Variants in SEPTIN4 observed in about 807,000 individuals in gnomAD.
The protein encoded by SEPTIN4 is septin-4.
In SEPTIN4, 52 loss-of-function variants were observed where a neutral mutation model predicts 107.1. That is an observed-to-expected ratio of 0.49 (90% CI 0.39 to 0.61). The LOEUF (loss-of-function observed/expected upper bound fraction) is 0.61, where lower values mean the gene tolerates loss of function less well. Among genes scored for constraint, SEPTIN4 ranks in the 20% least tolerant of loss-of-function variants. The pLI is 0.00. For synonymous variants in SEPTIN4, 417 were observed against 467.0 expected (o/e 0.89, Z 1.38); for missense variants, 1,048 against 1,243.5 (o/e 0.84, Z 2.36).
chr17:58,529,952 T>A (rs1294478909), intron 3 of SEPTIN4: 1 of 152,154 alleles, frequency 6.6e-6, no homozygotes, highest in Non-Finnish European at 1.5e-5. Context: ...GCAACCTGTA[T>A]CAATTAGATC....
chr17:58,539,392 C>T (rs1292263814), intron 3 of SEPTIN4, among the ~76,000 whole-genome samples: 2 of 152,190 alleles, frequency 1.3e-5, no homozygotes, highest in East Asian at 3.9e-4. Flanking sequence ...AACCCCTTCC[C>T]AAAGGTACAG....
At chr17:58,532,014 C>T in intron 3 of SEPTIN4, 1 of 1,135,308 alleles carries the variant, frequency 8.8e-7, no homozygotes. Context: ...CCGAGCGACC[C>T]GCGGCGGAGC....
rs2042270186 is a variant in SEPTIN4 at position 58,521,533 on chromosome 17, G to C, written c.2571+12C>G. On this transcript the variant is annotated intron_variant, in intron 10 of 13. Coordinates refer to ENST00000672673, the MANE Select transcript of SEPTIN4 (RefSeq NM_001368771.2). This position sits in a 1 kb window ranked among gnomAD's most constrained non-coding sequence, Gnocchi z 6.4. ...AATAAGATAGGAATGGGATGCCCTA[G>C]AGTGGCCCCACCTTTAGGGCTTGGT... is the stretch of plus-strand genomic sequence containing the variant. The C allele has an allele frequency of 3.1e-6, 5 of 1,611,804 alleles. No homozygotes were observed. Among genetic ancestry groups the C allele is most frequent in the Non-Finnish European group, 3.4e-6 (4 of 1,177,944 alleles).
At chr17:58,525,049 C>T (rs762357522) in intron 7 of SEPTIN4, 29 bp downstream of exon 7, 19 of 1,613,606 alleles carry the variant, frequency 1.2e-5, no homozygotes, top group Non-Finnish European at 1.6e-5. Context: ...GGCTCAGGGG[C>T]AGCTGGGATT....
At position 58,525,791 on chromosome 17, in the gene SEPTIN4, G is replaced by T. The variant is rs772531135; in HGVS notation, c.2006-10C>A. ...CCCAGGCCAGACTCTCCTGAGAGGA[G>T]AGAGGACAGAGGCACCAAATCAGAA... On this transcript the variant is annotated splice_polypyrimidine_tract_variant and intron_variant, in intron 5 of 13. Transcript: ENST00000672673. 6.2e-7 allele frequency: 1 copy of T among 1,609,692 alleles called. No individual in the cohort carries two copies.
intron 3 of SEPTIN4, chr17:58,529,389 C>T (rs2043263436): frequency 4.2e-6 from 6 of 1,429,592 alleles, no homozygotes; most frequent in Middle Eastern, 2.1e-4. Context: ...CCTCCCCTTC[C>T]CTTGGCTCCC....
In SEPTIN4 at chr17:58,543,434, A is replaced by G. The variant is rs2043938830; in HGVS notation, c.753T>C (p.Gly251=). 1 of 1,614,162 alleles carries G rather than the reference A, an allele frequency of 6.2e-7. No individual in the cohort carries two copies. Among genetic ancestry groups the G allele is most frequent in the Non-Finnish European group, 8.5e-7 (1 of 1,180,028 alleles). Reference sequence around the variant, plus strand: ...GTTTTGAAGGAATTGGACCGTAAGGACCTGTTTCTGATTCTTCTACAGGGA... The same window carrying G: ...GTTTTGAAGGAATTGGACCGTAAGGGCCTGTTTCTGATTCTTCTACAGGGA... ...RRVPVEESET[G]PYGPIPSKPK... is the part of the protein sequence containing the mutation. Residue 251 remains glycine (G), a synonymous_variant, in exon 1 of 14, where the codon GGT becomes GGC. Transcript: ENST00000672673.
intron 3 of SEPTIN4, chr17:58,528,318 G>C (rs991824940): frequency 3.3e-5 from 5 of 152,476 alleles, no homozygotes; most frequent in Admixed American, 3.3e-4. Flanking sequence ...AGTCTGCTAG[G>C]AGCTACTGCC....
chr17:58,524,814 C>T (rs1229626827), intron 7 of SEPTIN4: 4 of 335,672 alleles, frequency 1.2e-5, no homozygotes, highest in East Asian at 6.5e-5. Context: ...GTGATACTTC[C>T]GCCTCAGCCT....
rs753965576 is a variant in SEPTIN4 at position 58,525,213 on chromosome 17, G to A, written c.2093-12C>T. The A allele has an allele frequency of 1.9e-6, 3 of 1,613,160 alleles. No individual in the cohort carries two copies. Among genetic ancestry groups the A allele is most frequent in the South Asian group, 2.2e-5 (2 of 91,028 alleles). ...TTGCATGATCCTCTCTGGAGAAAGG[G>A]GAAACTGAGGCCAGGGCAAGGGCAG... On this transcript the variant is annotated splice_polypyrimidine_tract_variant and intron_variant, in intron 6 of 13. Transcript: ENST00000672673.
rs2043928087 is a variant in SEPTIN4 at position 58,543,138 on chromosome 17, A to C, written c.1049T>G (p.Val350Gly). The change falls in exon 1 of 14, where the codon GTG (valine) becomes GGG (glycine). Residue 350 changes from valine (V) to glycine (G), a missense_variant. By Grantham distance (109) the Val-to-Gly change is moderately radical. Around this residue, in one of 2 missense-constraint regions of SEPTIN4, gnomAD observed 787 missense variants for 871.8 expected, o/e 0.90. Coordinates refer to ENST00000672673, the MANE Select transcript of SEPTIN4 (RefSeq NM_001368771.2). ...GVQSVEPTHH[V>G]TVPSVSEGSH... ...GCCCTCAGACACTGATGGAACTGTC[A>C]CATGGTGAGTTGGCTCTACTGACTG... 2 of 1,612,600 alleles carry C rather than the reference A, an allele frequency of 1.2e-6. No homozygotes were observed. The highest frequency in any genetic ancestry group is 1.7e-6 in the Non-Finnish European group (2 of 1,178,916).
intron 7 of SEPTIN4, 53 bp downstream of exon 7, chr17:58,525,025 G>C: frequency 6.2e-7 from 1 of 1,611,924 alleles, no homozygotes; most frequent in Non-Finnish European, 8.5e-7. Flanking sequence ...GTGTACCTGT[G>C]TATGGAGAAG....
intron 3 of SEPTIN4, chr17:58,530,366 A>T (rs1307942698): frequency 6.6e-6 from 1 of 152,218 alleles, no homozygotes; most frequent in Non-Finnish European, 1.5e-5. Context: ...TCACATGTAA[A>T]TTTAAACCCC....
At chr17:58,523,197 C>G (rs915971871) in intron 7 of SEPTIN4, among the ~76,000 whole-genome samples, 1 of 151,884 alleles carries the variant, frequency 6.6e-6, no homozygotes, top group Non-Finnish European at 1.5e-5. Flanking sequence ...CATAGCGAGA[C>G]CCCCATCTCT....
chr17:58,532,189 G>A lies in SEPTIN4; in HGVS notation c.1615-5211C>T, dbSNP rs1018120116. The stretch of plus-strand genomic sequence containing the variant: ...GAAGTGGGTCGGGGTGCCCAGCTGG[G>A]GGCCGGCCTCGCAGCCCGCGACCCC... On this transcript the variant is annotated intron_variant, in intron 3 of 13. Transcript: ENST00000672673. The A allele has an allele frequency of 4.4e-5, 36 of 825,390 alleles. No homozygotes were observed. The African/African-American group carries it at 6.4e-4, about 15-fold the overall frequency. 51.1% of individuals were successfully genotyped at this position (825,390 alleles called of 1,614,324 possible).
At chr17:58,542,551 G>C (rs2043909152) in intron 1 of SEPTIN4, 75 bp downstream of exon 1, 2 of 1,520,684 alleles carry the variant, frequency 1.3e-6, no homozygotes, top group Non-Finnish European at 1.8e-6. Context: ...ATGAAGAGGT[G>C]GTCTTTCCTG....
At chr17:58,527,944 G>A in intron 3 of SEPTIN4, 1 of 985,658 alleles carries the variant, frequency 1.0e-6, no homozygotes, top group Non-Finnish European at 1.2e-6. Context: ...CCCATCCTCA[G>A]CTCAGAAGAG....
intron 6 of SEPTIN4, 105 bp downstream of exon 6, chr17:58,525,590 G>A: frequency 1.0e-6 from 1 of 998,764 alleles, no homozygotes; most frequent in African/African-American, 1.6e-5. Flanking sequence ...GTCTCTCTAG[G>A]AGGCCATGGT....
In SEPTIN4 at chr17:58,521,205, G is replaced by C. The variant is rs2042228057; in HGVS notation, c.2669-45C>G. The C allele has an allele frequency of 6.2e-7, 1 of 1,614,028 alleles. No homozygotes were observed. The highest frequency in any genetic ancestry group is 1.3e-5 in the African/African-American group (1 of 74,938). ...GTCAGCCAGAGGCATAGGTAGGGGA[G>C]AGCCACTGAGGGCAAGGAGATACCC... On this transcript the variant is annotated intron_variant, in intron 11 of 13. Transcript: ENST00000672673. The surrounding 1 kb of genome is among the most constrained non-coding windows in gnomAD (Gnocchi z 6.4).
Sources: allele counts gnomAD v4.1 joint callset (sites outside exome capture counted in the v4.1 genomes callset), GRCh38; gene constraint gnomAD v4.1.1; regional missense constraint gnomAD v4.1.1; non-coding constraint Gnocchi (gnomAD v3.1); transcripts MANE v1.5; gene names NCBI Gene and HGNC (gene_info 2026-07-23, HGNC 2026-07-21).